The following CSMD1 variants were observed in gnomAD, a reference collection of about 807,000 sequenced individuals.
CSMD1 encodes CUB and Sushi multiple domains 1.
A neutral mutation model predicts 417.5 loss-of-function variants in CSMD1; 213 were observed. That is an observed-to-expected ratio of 0.51 (90% CI 0.46 to 0.57). CSMD1 has a LOEUF of 0.57. Ranked by LOEUF, CSMD1 falls within the 20% of genes least tolerant of loss-of-function variation. The pLI is 0.00. For synonymous variants in CSMD1, 2,862 were observed against 1,736.8 expected, an observed-to-expected ratio of 1.65 and a Z score of -16.11; for missense variants, 6,923 against 4,529.7, an observed-to-expected ratio of 1.53 and a Z score of -15.17.
In CSMD1 at chr8:3,436,951, A is replaced by T. The variant is rs183620391; in HGVS notation, c.1562-27346T>A. On this transcript the variant is annotated intron_variant, in intron 12 of 69. Transcript: ENST00000635120. ...CCAAAAAAAAGAGTGTGAAGCTAAA[A>T]AAAAGAGAGAAAAAAGCATGCAAGA... 1.1e-3 allele frequency among the ~76,000 whole-genome samples: 171 copies of T among 152,272 alleles called. 1 individual carries two copies. The highest frequency in any genetic ancestry group is 4.0e-3 in the African/African-American group (165 of 41,550).
chr8:4,553,214 T>A (rs1171789732), intron 2 of CSMD1, among the ~76,000 whole-genome samples: 1 of 152,206 alleles, frequency 6.6e-6, no homozygotes, highest in Non-Finnish European at 1.5e-5. Context: ...TCTGTGGAAC[T>A]CAGCTCTAAA....
At chr8:4,813,581 A>C (rs1799033786) in intron 1 of CSMD1, among the ~76,000 whole-genome samples, 1 of 152,192 alleles carries the variant, frequency 6.6e-6, no homozygotes, top group Admixed American at 6.5e-5. Context: ...CATGTTCATC[A>C]AAGTTCAAAT....
intron 5 of CSMD1, among the ~76,000 whole-genome samples, chr8:3,841,006 C>A (rs181147901): frequency 5.0e-4 from 76 of 152,124 alleles, no homozygotes; most frequent in African/African-American, 1.6e-3. Context: ...TGCAGCTGTC[C>A]GGTGATCTCA....
intron 49 of CSMD1, among the ~76,000 whole-genome samples, chr8:3,072,089 G>T (rs1813357691): frequency 6.6e-6 from 1 of 152,166 alleles, no homozygotes. Flanking sequence ...AAAATCAATA[G>T]TACCTCAGAA....
intron 3 of CSMD1, among the ~76,000 whole-genome samples, chr8:4,223,053 G>A (rs1801134302): frequency 6.6e-6 from 1 of 151,978 alleles, no homozygotes; most frequent in South Asian, 2.1e-4. Context: ...TTCCTACATT[G>A]GACATTGGAG....
chr8:4,941,136 GTTT>G (rs370287365), intron 1 of CSMD1, among the ~76,000 whole-genome samples: 16 of 152,038 alleles, frequency 1.1e-4, no homozygotes, highest in African/African-American at 3.6e-4. Context: ...TGACTAATTG[GTTT>G]TACAATAAAT....
chr8:4,421,850 G>T (rs1233824616), intron 2 of CSMD1, among the ~76,000 whole-genome samples: 2 of 151,694 alleles, frequency 1.3e-5, no homozygotes, highest in Non-Finnish European at 2.9e-5. Flanking sequence ...AAAATTGAAA[G>T]AAAAAAGAAC....
intron 3 of CSMD1, among the ~76,000 whole-genome samples, chr8:4,041,763 ATGT>A (rs1470463427): frequency 6.6e-6 from 1 of 152,172 alleles, no homozygotes; most frequent in Non-Finnish European, 1.5e-5. Context: ...ATGATGGAAC[ATGT>A]TGTCTTGAGA....
chr8:3,784,988 C>T (rs952130521), intron 5 of CSMD1, among the ~76,000 whole-genome samples: 3 of 152,172 alleles, frequency 2.0e-5, no homozygotes, highest in African/African-American at 4.8e-5. Context: ...AAATGTCTCT[C>T]ATGTCAGATT....
At chr8:3,953,845 C>A (rs1385786605) in intron 5 of CSMD1, among the ~76,000 whole-genome samples, 1 of 152,096 alleles carries the variant, frequency 6.6e-6, no homozygotes, top group Non-Finnish European at 1.5e-5. Context: ...TCCTAGAGAG[C>A]CTAATGTTCT....
intron 2 of CSMD1, among the ~76,000 whole-genome samples, chr8:4,447,861 TAG>T (rs1413607748): frequency 2.6e-5 from 4 of 152,216 alleles, no homozygotes; most frequent in African/African-American, 7.2e-5. Flanking sequence ...AAAGTGTAAG[TAG>T]AGGAGGCTCG....
intron 10 of CSMD1, among the ~76,000 whole-genome samples, chr8:3,503,921 CAT>C (rs1330215224): frequency 1.1e-4 from 16 of 150,048 alleles, no homozygotes; most frequent in Middle Eastern, 3.4e-3. Flanking sequence ...TAAACTTCCA[CAT>C]GAGTGAGAAT....
chr8:4,328,236 A>C (rs1415646217), intron 3 of CSMD1, among the ~76,000 whole-genome samples: 1 of 138,492 alleles, frequency 7.2e-6, no homozygotes, highest in Non-Finnish European at 1.5e-5. Context: ...CATTGCACTC[A>C]ATACAATTTT....
chr8:4,032,653 G>C (rs191878820), intron 3 of CSMD1, among the ~76,000 whole-genome samples: 1 of 152,184 alleles, frequency 6.6e-6, no homozygotes, highest in Admixed American at 6.5e-5. Context: ...ATCCATCAAT[G>C]TATAAAAAAA....
intron 23 of CSMD1, among the ~76,000 whole-genome samples, chr8:3,321,743 CAA>C (rs1415114100): frequency 2.0e-5 from 3 of 152,056 alleles, no homozygotes; most frequent in Non-Finnish European, 4.4e-5. Context: ...CTAGTGATTT[CAA>C]AGTGTTATAA....
At chr8:4,021,463 T>C (rs1359671355) in intron 4 of CSMD1, among the ~76,000 whole-genome samples, 1 of 152,170 alleles carries the variant, frequency 6.6e-6, no homozygotes, top group Non-Finnish European at 1.5e-5. Context: ...TGGCTTTTGT[T>C]GGTTAAGCGT....
intron 5 of CSMD1, among the ~76,000 whole-genome samples, chr8:3,942,470 T>C (rs1253993379): frequency 1.3e-5 from 2 of 152,116 alleles, no homozygotes; most frequent in Admixed American, 6.5e-5. Context: ...TGACTATTTC[T>C]ACACAGATGC....
intron 3 of CSMD1, among the ~76,000 whole-genome samples, chr8:4,091,378 A>G (rs1800712591): frequency 6.6e-6 from 1 of 152,220 alleles, no homozygotes; most frequent in South Asian, 2.1e-4. Context: ...GAAAATAAAT[A>G]TAAAACAAAT....
intron 3 of CSMD1, among the ~76,000 whole-genome samples, chr8:4,150,197 G>C (rs1048925321): frequency 2.6e-5 from 4 of 152,202 alleles, no homozygotes; most frequent in Admixed American, 6.5e-5. Flanking sequence ...CTGTCTTGTA[G>C]TCACAGGATC....
Sources: gnomAD v4.1 joint callset for allele counts (sites outside exome capture counted in the v4.1 genomes callset) on GRCh38, gnomAD v4.1.1 for gene constraint, MANE v1.5 for transcripts, NCBI Gene and HGNC (gene_info 2026-07-23, HGNC 2026-07-21) for gene names.